NOTCH1: variants seen among roughly 807,000 people sequenced by gnomAD.
NOTCH1 encodes the protein notch receptor 1, also known as neurogenic locus notch homolog protein 1.
Under a neutral mutation model 254.8 loss-of-function variants are expected in NOTCH1, and 37 were observed. The observed-to-expected ratio is 0.15, with a 90% confidence interval of 0.11 to 0.19. The LOEUF is 0.19. NOTCH1 is among the 10% of genes least tolerant of loss of function. The pLI is 1.00. For missense variants in NOTCH1, 2,972 were observed against 3,708.6 expected (o/e 0.80, Z 5.16); for synonymous variants, 1,731 against 1,618.1 (o/e 1.07, Z -1.68).
chr9:136,512,978 AT>A, intron 15 of NOTCH1, 42 bp downstream of exon 15: 1 of 405,278 alleles, frequency 2.5e-6, no homozygotes, highest in Admixed American at 3.4e-5. Flanking sequence ...CCCCTCCCAC[AT>A]AGGCCCCGCC....
At chr9:136,501,974 C>T (rs2133329610) in intron 29 of NOTCH1, 27 bp downstream of exon 29, 1 of 1,611,790 alleles carries the variant, frequency 6.2e-7, no homozygotes, top group Non-Finnish European at 8.5e-7. Flanking sequence ...CCCGGGAGCC[C>T]AGGAGCCCGG....
intron 15 of NOTCH1, 93 bp downstream of exon 15, chr9:136,512,928 C>A (rs1433616283): frequency 2.5e-6 from 1 of 398,616 alleles, no homozygotes; most frequent in Non-Finnish European, 4.7e-6. Flanking sequence ...TGGCCCCACC[C>A]TCTCCAGCAC....
chr9:136,525,739 C>G (rs893163305), intron 2 of NOTCH1, among the ~76,000 whole-genome samples: 4 of 152,380 alleles, frequency 2.6e-5, no homozygotes, highest in East Asian at 1.9e-4. Context: ...GTGGCAGTGG[C>G]CTGGGGGGGC....
intron 8 of NOTCH1, 57 bp from the exon 9 acceptor site, chr9:136,517,442 A>T (rs2133367644): frequency 8.3e-7 from 1 of 1,197,952 alleles, no homozygotes; most frequent in East Asian, 2.5e-5. Context: ...CCCACTGGGC[A>T]CAGCTGTGGA....
intron 26 of NOTCH1, 138 bp from the exon 27 acceptor site, chr9:136,503,468 GC>G: frequency 1.5e-6 from 2 of 1,301,656 alleles, no homozygotes; most frequent in Non-Finnish European, 1.1e-6. Flanking sequence ...GTGGTGGGAA[GC>G]CAGGTCTGAC....
intron 4 of NOTCH1, chr9:136,522,610 G>A: frequency 1.9e-6 from 1 of 522,728 alleles, no homozygotes. Flanking sequence ...GTGAGTTCCG[G>A]GAAACTCCAG....
chr9:136,530,870 C>T (rs1251621700), intron 2 of NOTCH1, among the ~76,000 whole-genome samples: 1 of 152,204 alleles, frequency 6.6e-6, no homozygotes, highest in Non-Finnish European at 1.5e-5. Flanking sequence ...AGCAGCGCTG[C>T]TGGAGGGCTC....
In NOTCH1 at chr9:136,545,976, C is replaced by T. The variant is rs975570880; in HGVS notation, c.-190G>A. 6.7e-6 allele frequency among the ~76,000 whole-genome samples: 1 copy of T among 148,242 alleles called. No homozygotes were observed. Among genetic ancestry groups the T allele is most frequent in the Non-Finnish European group, 1.5e-5 (1 of 66,440 alleles). ...CGGCTCCGCGCCCGGCTCGTTCCTT[C>T]GCTGCGCTCGCGCCCGCGCCCGCGC... On this transcript the variant is annotated 5_prime_UTR_variant, in exon 1 of 34. Coordinates refer to ENST00000651671, the MANE Select transcript of NOTCH1 (RefSeq NM_017617.5). The surrounding 1 kb of genome is among the most constrained non-coding windows in gnomAD (Gnocchi z 6.8).
In NOTCH1 at chr9:136,504,705, C is replaced by A; in HGVS notation, c.4986G>T (p.Arg1662=). 1 of 1,535,930 alleles carries A rather than the reference C, an allele frequency of 6.5e-7. No homozygotes were observed. The highest frequency in any genetic ancestry group is 8.8e-7 in the Non-Finnish European group (1 of 1,139,654). The part of the protein sequence containing the change: ...LLPGGSEGGR[R]RRELDPMDVR... The stretch of plus-strand genomic sequence containing the variant: ...CGTCCATGGGGTCCAGCTCCCTCCG[C>A]CGCCGCCCACCCTCGCTGCCACCAG... The change falls in exon 26 of 34, where the codon CGG becomes CGT. Residue 1662 remains arginine (R), a synonymous_variant. Transcript: ENST00000651671.
At position 136,502,436 on chromosome 9, in the gene NOTCH1, C is replaced by T. The variant is rs758562368; in HGVS notation, c.5220G>A (p.Ala1740=). The T allele has an allele frequency of 6.8e-5, 109 of 1,607,902 alleles. No homozygotes were observed. The highest frequency in any genetic ancestry group is 6.2e-4 in the South Asian group (56 of 90,852). The change falls in exon 28 of 34, where the codon GCG becomes GCA. Residue 1740 remains alanine (A), a synonymous_variant. Transcript: ENST00000651671. ...PPAQLHFMYV[A]AAAFVLLFFV... The stretch of plus-strand genomic sequence containing the variant: ...AGAACAGAAGCACAAAGGCGGCCGC[C>T]GCCACGTACATGAAGTGCAGCTGCG...
At position 136,497,127 on chromosome 9, in the gene NOTCH1, C is replaced by T. The variant is rs1344385768; in HGVS notation, c.6612G>A (p.Glu2204=). 9.3e-6 allele frequency: 15 copies of T among 1,612,430 alleles called. No homozygotes were observed. In the African/African-American group the frequency reaches 9.3e-5, roughly 10 times the overall value. The change falls in exon 34 of 34, where the codon GAG becomes GAA. Residue 2204 remains glutamate, a synonymous_variant. Transcript: ENST00000651671. The part of the protein sequence containing the change: ...SGMLSPVDSL[E]SPHGYLSDVA... Reference sequence around the variant, plus strand: ...CGTCTGACAGGTAGCCATGGGGTGACTCCAGGGAGTCCACGGGCGAGAGCA... The same window carrying T: ...CGTCTGACAGGTAGCCATGGGGTGATTCCAGGGAGTCCACGGGCGAGAGCA...
intron 6 of NOTCH1, 84 bp downstream of exon 6, chr9:136,518,507 G>A (rs972952663): frequency 1.1e-5 from 15 of 1,320,626 alleles, no homozygotes; most frequent in African/African-American, 2.9e-5. Context: ...GGTGCAGGAG[G>A]GCCACAGTCC....
chr9:136,539,856 C>T (rs550649561), intron 2 of NOTCH1, among the ~76,000 whole-genome samples: 3 of 152,028 alleles, frequency 2.0e-5, no homozygotes, highest in Admixed American at 6.5e-5. Flanking sequence ...CCCTCCCCAG[C>T]CTCCCAGGCC....
intron 33 of NOTCH1, among the ~76,000 whole-genome samples, chr9:136,498,002 T>C (rs1842943788): frequency 6.6e-6 from 1 of 152,172 alleles, no homozygotes; most frequent in Admixed American, 6.5e-5. Flanking sequence ...AGCTCCTTCC[T>C]GGGGTCTCCT....
intron 4 of NOTCH1, 135 bp downstream of exon 4, chr9:136,522,715 A>C: frequency 1.2e-6 from 1 of 830,812 alleles, no homozygotes. Context: ...AGTCTGGGGA[A>C]CTCGCCATCC....
At position 136,543,884 on chromosome 9, in the gene NOTCH1, T is replaced by C. The variant is rs1029375873; in HGVS notation, c.140+140A>G. ...TAAGTAATTGCCAGACTTTGTCCAA[T>C]AAAAGTCAGCACGTGACCGTGCCCA... is the stretch of plus-strand genomic sequence containing the variant. On this transcript the variant is annotated intron_variant, in intron 2 of 33. Coordinates refer to ENST00000651671, the MANE Select transcript of NOTCH1 (RefSeq NM_017617.5). The C allele has an allele frequency of 4.9e-6, 4 of 817,916 alleles. No individual in the cohort carries two copies. The Admixed American group carries it at 8.0e-5, about 16-fold the overall frequency. The allele number at this position is 817,916 out of a possible 1,614,324, so 50.7% of individuals were successfully genotyped here.
At chr9:136,543,218 G>A (rs536983942) in intron 2 of NOTCH1, 2 of 180,386 alleles carry the variant, frequency 1.1e-5, no homozygotes, top group Non-Finnish European at 2.4e-5. Context: ...CCTTTGAAGA[G>A]GCATCACCCA....
chr9:136,505,128 G>C (rs773097159), intron 25 of NOTCH1, 24 bp from the exon 26 acceptor site: 1 of 1,601,888 alleles, frequency 6.2e-7, no homozygotes, highest in African/African-American at 1.3e-5. Flanking sequence ...GACACGCTCA[G>C]GCCGCCTTCC....
rs1442661141 is a variant in NOTCH1, at chr9:136,515,536, G to A, written c.1850C>T (p.Thr617Ile). ...GTAGGCGTTGTCGCGGTCCTGGCAG[G>A]TGCCCCCGTGGCGGCAGGGCTGGCT... ...CSSQPCRHGG[T>I]CQDRDNAYLC... The change falls in exon 11 of 34, where the codon ACC (threonine) becomes ATC (isoleucine). Residue 617 changes from threonine (T) to isoleucine (I), a missense_variant. Around this residue, in one of 8 missense-constraint regions of NOTCH1, gnomAD observed 1,343 missense variants for 1,557.0 expected, o/e 0.86. Coordinates refer to ENST00000651671, the MANE Select transcript of NOTCH1 (RefSeq NM_017617.5). 2.5e-6 allele frequency: 4 copies of A among 1,611,770 alleles called. No homozygotes were observed. Among genetic ancestry groups the A allele is most frequent in the Admixed American group, 3.3e-5 (2 of 60,010 alleles).
Sources: allele counts gnomAD v4.1 joint callset (sites outside exome capture counted in the v4.1 genomes callset), GRCh38; gene constraint gnomAD v4.1.1; regional missense constraint gnomAD v4.1.1; non-coding constraint Gnocchi (gnomAD v3.1); transcripts MANE v1.5; gene names NCBI Gene and HGNC (gene_info 2026-07-23, HGNC 2026-07-21).